Variants in MTMR10 observed in about 807,000 individuals in gnomAD.
The protein encoded by MTMR10 is myotubularin-related protein 10.
Under a neutral mutation model 88.1 loss-of-function variants are expected in MTMR10, and 56 were observed. The ratio of observed to expected loss-of-function variants is 0.64; its 90% CI spans 0.51 to 0.79. The LOEUF is 0.79. Among genes scored for constraint, MTMR10 ranks in the 30% least tolerant of loss-of-function variants. The pLI, the probability that MTMR10 is intolerant of heterozygous loss-of-function variation, is 0.00. For missense variants in MTMR10, 883 were observed against 924.7 expected, an observed-to-expected ratio of 0.95 and a Z score of 0.58; for synonymous variants, 380 against 340.9, an observed-to-expected ratio of 1.11 and a Z score of -1.26.
In MTMR10 at chr15:30,974,964, C is replaced by T. The variant is rs1437643544; in HGVS notation, c.298G>A (p.Val100Ile). ...ATTTGCTCAATACATGTTAAAGGGACATCGTGTTCACCAAGAAGAAGGTTT... is the reference window on the plus strand; with the variant it reads ...ATTTGCTCAATACATGTTAAAGGGATATCGTGTTCACCAAGAAGAAGGTTT... ...YRNLLLGEHD[V>I]PLTCIEQIVT... Residue 100 changes from valine to isoleucine, a missense_variant, in exon 4 of 16, where the codon GTC becomes ATC. Val to Ile is a conservative substitution (Grantham distance 29). Coordinates refer to ENST00000435680, the MANE Select transcript of MTMR10 (RefSeq NM_017762.3). 9.5e-6 allele frequency: 15 copies of T among 1,578,328 alleles called. No individual in the cohort carries two copies. Among genetic ancestry groups the T allele is most frequent in the Non-Finnish European group, 1.3e-5 (15 of 1,160,334 alleles).
At chr15:30,981,963 C>T (rs1213261493) in intron 2 of MTMR10, among the ~76,000 whole-genome samples, 3 of 151,614 alleles carry the variant, frequency 2.0e-5, no homozygotes, top group African/African-American at 7.3e-5. Flanking sequence ...CCCAGCTACT[C>T]AACAGGCTGA....
At chr15:30,943,280 C>T (rs927887402) in intron 14 of MTMR10, 1 of 985,386 alleles carries the variant, frequency 1.0e-6, no homozygotes, top group Admixed American at 6.1e-5. Flanking sequence ...AAGGAGTGTG[C>T]TTTTCAGGTG....
intron 14 of MTMR10, chr15:30,946,448 C>T: frequency 3.1e-6 from 1 of 325,302 alleles, no homozygotes; most frequent in Non-Finnish European, 5.6e-6. Flanking sequence ...CTCAGGTTTC[C>T]CGCTCCCTAG....
intron 15 of MTMR10, 53 bp downstream of exon 15, chr15:30,942,837 G>A (rs2063098709): frequency 2.0e-6 from 3 of 1,475,940 alleles, no homozygotes; most frequent in Non-Finnish European, 2.7e-6. Flanking sequence ...TTCTGAAAAA[G>A]AGGTGTTTGG....
At chr15:30,937,347 T>C, downstream of MTMR10, 1 of 1,267,418 alleles carries the variant, frequency 7.9e-7, no homozygotes. Context: ...TATCGTGCAT[T>C]ATAAACCTGA....
intron 5 of MTMR10, among the ~76,000 whole-genome samples, chr15:30,968,534 AACACACACACACACAC>A (rs61503155): frequency 9.1e-5 from 13 of 143,166 alleles, no homozygotes; most frequent in East Asian, 6.0e-4. Flanking sequence ...TCAAAAAAAC[AACACACACACACACAC>A]ACACACACAC....
intron 2 of MTMR10, among the ~76,000 whole-genome samples, chr15:30,989,049 T>C (rs776606667): frequency 1.8e-4 from 28 of 151,978 alleles, no homozygotes; most frequent in Non-Finnish European, 3.4e-4. Flanking sequence ...GCACTGACAT[T>C]TACAGCTAAG....
intron 3 of MTMR10, 50 bp downstream of exon 3, chr15:30,976,769 C>T: frequency 4.4e-6 from 7 of 1,573,314 alleles, no homozygotes; most frequent in Non-Finnish European, 5.2e-6. Flanking sequence ...ATATGTACCA[C>T]TTAGAGTTGA....
At chr15:30,968,984 G>GAA (rs1263335244) in intron 5 of MTMR10, among the ~76,000 whole-genome samples, 5 of 152,116 alleles carry the variant, frequency 3.3e-5, no homozygotes, top group Non-Finnish European at 7.4e-5. Flanking sequence ...AAACATAGCA[G>GAA]AAAAACTTAT....
chr15:30,944,123 C>G (rs2063131099), intron 14 of MTMR10: 1 of 630,312 alleles, frequency 1.6e-6, no homozygotes, highest in Non-Finnish European at 2.0e-6. Flanking sequence ...GACTACATCA[C>G]AGCCAGGTGG....
At chr15:30,947,055 G>T in intron 14 of MTMR10, 75 bp downstream of exon 14, 1 of 1,471,180 alleles carries the variant, frequency 6.8e-7, no homozygotes, top group Non-Finnish European at 9.1e-7. Context: ...AATAGGCAGT[G>T]AATTATACTT....
intron 10 of MTMR10, among the ~76,000 whole-genome samples, chr15:30,954,431 CTGTA>C (rs2063293261): frequency 6.6e-6 from 1 of 152,176 alleles, no homozygotes; most frequent in African/African-American, 2.4e-5. Flanking sequence ...CAAAGTATAA[CTGTA>C]TGTATTACAA....
At chr15:30,956,577 C>T (rs2141015931) in intron 9 of MTMR10, among the ~76,000 whole-genome samples, 1 of 152,278 alleles carries the variant, frequency 6.6e-6, no homozygotes, top group East Asian at 1.9e-4. Flanking sequence ...GTGCAAGGGC[C>T]CTGTGGCAGG....
chr15:30,991,275 G>T, intron 1 of MTMR10, 172 bp downstream of exon 1: 1 of 597,706 alleles, frequency 1.7e-6, no homozygotes, highest in Non-Finnish European at 2.7e-6. Flanking sequence ...CGCCGAGCCA[G>T]TGGGGGCTCC....
At chr15:30,955,730 C>T (rs947754402) in intron 9 of MTMR10, among the ~76,000 whole-genome samples, 5 of 152,154 alleles carry the variant, frequency 3.3e-5, no homozygotes, top group Non-Finnish European at 7.4e-5. Flanking sequence ...AGAAGGATGG[C>T]AAACCAGATG....
At chr15:30,947,445 A>G in intron 13 of MTMR10, 145 bp from the exon 14 acceptor site, 1 of 910,828 alleles carries the variant, frequency 1.1e-6, no homozygotes, top group Admixed American at 3.1e-5. Context: ...GCTGAGCTAT[A>G]CACATCTATC....
chr15:30,990,435 T>TA (rs1467028126), intron 2 of MTMR10, among the ~76,000 whole-genome samples: 8 of 152,228 alleles, frequency 5.3e-5, no homozygotes, highest in African/African-American at 1.9e-4. Context: ...CTGTTATTGG[T>TA]ATAGAGACAC....
At chr15:30,961,440 C>G (rs2141024361) in intron 6 of MTMR10, among the ~76,000 whole-genome samples, 1 of 152,176 alleles carries the variant, frequency 6.6e-6, no homozygotes, top group African/African-American at 2.4e-5. Context: ...AGGGTTTCAC[C>G]ATGTTGGCTA....
At chr15:30,926,646 G>T in the MTMR10 span, 1 of 985,222 alleles carries the variant, frequency 1.0e-6, no homozygotes. Context: ...GCAAATGCCA[G>T]TGAAGACAGA....
Sources: allele counts gnomAD v4.1 joint callset (sites outside exome capture counted in the v4.1 genomes callset), GRCh38; gene constraint gnomAD v4.1.1; transcripts MANE v1.5; gene names NCBI Gene and HGNC (gene_info 2026-07-23, HGNC 2026-07-21).